ARMC9: variants seen among roughly 807,000 people sequenced by gnomAD.
ARMC9 encodes the protein lisH domain-containing protein ARMC9.
A neutral mutation model predicts 107.0 loss-of-function variants in ARMC9; 94 were observed. That is an observed-to-expected ratio of 0.88 (90% CI 0.74 to 1.04). ARMC9 has a LOEUF of 1.04. ARMC9 is among the 50% of genes least tolerant of loss of function. The pLI is 0.00. For missense variants in ARMC9, 942 were observed against 1,030.1 expected, an observed-to-expected ratio of 0.91 and a Z score of 1.17; for synonymous variants, 380 against 396.9, an observed-to-expected ratio of 0.96 and a Z score of 0.51.
chr2:231,282,005 G>A, intron 16 of ARMC9, 54 bp from the exon 17 acceptor site: 2 of 1,530,556 alleles, frequency 1.3e-6, no homozygotes, highest in South Asian at 2.2e-5. Context: ...TTGATATAGA[G>A]TTGTGCAGTA....
At chr2:231,342,195 C>G (rs1402802260) in intron 20 of ARMC9, among the ~76,000 whole-genome samples, 1 of 152,222 alleles carries the variant, frequency 6.6e-6, no homozygotes, top group Non-Finnish European at 1.5e-5. Flanking sequence ...CTGCCAGGCC[C>G]TGCACACTGA....
rs115818194 is a variant in ARMC9 at position 231,321,771 on chromosome 2, C to T, written c.1774-10022C>T. Among the ~76,000 whole-genome samples, 1,232 of 152,232 alleles carry T rather than the reference C, an allele frequency of 8.1e-3. 15 individuals are homozygous for T. Among genetic ancestry groups the T allele is most frequent in the African/African-American group, 0.028 (1,164 of 41,518 alleles). On this transcript the variant is annotated intron_variant, in intron 19 of 24. Coordinates refer to ENST00000611582, the MANE Select transcript of ARMC9 (RefSeq NM_001352754.2). ...CTCTTCCTCTTCTCCATGTGAAGCG[C>T]GGTGTCTGTGGTACTGCTGGGGCAC...
intron 5 of ARMC9, among the ~76,000 whole-genome samples, chr2:231,221,808 G>T (rs374200057): frequency 5.2e-4 from 68 of 129,956 alleles, no homozygotes; most frequent in African/African-American, 2.0e-3. Context: ...TCCAGCCTGG[G>T]TGACAAAGCA....
intron 19 of ARMC9, among the ~76,000 whole-genome samples, chr2:231,319,840 A>G (rs1342392441): frequency 6.6e-6 from 1 of 152,196 alleles, no homozygotes; most frequent in African/African-American, 2.4e-5. Context: ...AAATTAGGGA[A>G]CATTTTAAAC....
At chr2:231,261,800 G>T (rs1267735723) in intron 11 of ARMC9, among the ~76,000 whole-genome samples, 1 of 151,764 alleles carries the variant, frequency 6.6e-6, no homozygotes, top group East Asian at 1.9e-4. Flanking sequence ...TTGGCTCCCT[G>T]TGTCACCCAT....
intron 20 of ARMC9, among the ~76,000 whole-genome samples, chr2:231,337,285 TA>T (rs1559481297): frequency 1.8e-4 from 11 of 61,142 alleles, no homozygotes; most frequent in African/African-American, 7.6e-4. Context: ...TATATATATA[TA>T]TATATTTTTT....
At position 231,315,434 on chromosome 2, in the gene ARMC9, G is replaced by A. The variant is rs1185232511; in HGVS notation, c.1774-16359G>A. 2.6e-5 allele frequency among the ~76,000 whole-genome samples: 4 copies of A among 152,002 alleles called. No homozygotes were observed. In the East Asian group the frequency reaches 7.7e-4, roughly 29 times the overall value. ...CACACCTGTAGTCCCAGCTACTCAG[G>A]AGGCTGAGGCAGGAGAGCTGCTTGA... On this transcript the variant is annotated intron_variant, in intron 19 of 24. Coordinates refer to ENST00000611582, the MANE Select transcript of ARMC9 (RefSeq NM_001352754.2).
chr2:231,325,888 C>G (rs1464438335), intron 19 of ARMC9, among the ~76,000 whole-genome samples: 1 of 152,180 alleles, frequency 6.6e-6, no homozygotes, highest in Non-Finnish European at 1.5e-5. Context: ...GGTGGCTGCC[C>G]TCACCATAGG....
rs759691541 is a variant in ARMC9, at chr2:231,354,263, T to TAA, written c.1995-1513_1995-1512dup. On this transcript the variant is annotated intron_variant, in intron 21 of 24. Coordinates refer to ENST00000611582, the MANE Select transcript of ARMC9 (RefSeq NM_001352754.2). Reference sequence around the variant, plus strand: ...AGTCAACACAGACCTCATCTCCATTTAAAAAAAAAAAAAAAAAAAAAAAGA... The same window carrying TAA: ...AGTCAACACAGACCTCATCTCCATTTAAAAAAAAAAAAAAAAAAAAAAAAAGA... 7.3e-4 allele frequency among the ~76,000 whole-genome samples: 73 copies of TAA among 100,424 alleles called. 1 individual carries two copies. Among genetic ancestry groups the TAA allele is most frequent in the African/African-American group, 2.3e-3 (49 of 21,394 alleles). 65.9% of individuals were successfully genotyped at this position (100,424 alleles called of 152,430 possible).
At chr2:231,363,846 T>C (rs1477512078) in intron 23 of ARMC9, among the ~76,000 whole-genome samples, 1 of 127,386 alleles carries the variant, frequency 7.9e-6, no homozygotes, top group African/African-American at 3.1e-5. Context: ...ATCGCACCAC[T>C]GCACTCCAGC....
intron 1 of ARMC9, among the ~76,000 whole-genome samples, chr2:231,205,646 C>T (rs1182028281): frequency 6.6e-6 from 1 of 152,152 alleles, no homozygotes; most frequent in African/African-American, 2.4e-5. Flanking sequence ...TTTCCTAGTG[C>T]CGCTGAACAA....
intron 19 of ARMC9, among the ~76,000 whole-genome samples, chr2:231,303,477 G>C (rs1037937078): frequency 6.6e-6 from 1 of 152,184 alleles, no homozygotes; most frequent in African/African-American, 2.4e-5. Flanking sequence ...ATCTAGTACA[G>C]CGTTAGCTGG....
chr2:231,331,792 G>A lies in ARMC9; in HGVS notation c.1774-1G>A, dbSNP rs746021230. On this transcript the variant is annotated splice_acceptor_variant, in intron 19 of 24. Coordinates refer to ENST00000611582, the MANE Select transcript of ARMC9 (RefSeq NM_001352754.2). LOFTEE classifies it high-confidence loss of function. ...CATTCACCCCATGTCTCCTGAAACA[G>A]GAGGACCATGACATCATGGAAGCCG... The A allele has an allele frequency of 1.2e-6, 2 of 1,613,712 alleles. No individual in the cohort carries two copies. Among genetic ancestry groups the A allele is most frequent in the Non-Finnish European group, 8.5e-7 (1 of 1,179,722 alleles).
Position 231,274,561 on chromosome 2 carries a change from G to A in ARMC9, c.1334+1483G>A, listed in dbSNP as rs534086520. Among the ~76,000 whole-genome samples, 6 of 152,312 alleles carry A rather than the reference G, an allele frequency of 3.9e-5. No homozygotes were observed. In the East Asian group the frequency reaches 1.2e-3, roughly 29 times the overall value. ...TTTTCTCGTGGATCGGCATCTAGGA[G>A]AGGAACTGTTGGGACATATGGTAAT... On this transcript the variant is annotated intron_variant, in intron 14 of 24. Coordinates refer to ENST00000611582, the MANE Select transcript of ARMC9 (RefSeq NM_001352754.2).
intron 22 of ARMC9, among the ~76,000 whole-genome samples, chr2:231,357,841 G>A (rs1039527157): frequency 1.3e-5 from 2 of 152,178 alleles, no homozygotes. Context: ...AAAGCACTGG[G>A]ATTACAGGCG....
At chr2:231,247,452 G>A (rs1465211067) in intron 9 of ARMC9, among the ~76,000 whole-genome samples, 2 of 152,180 alleles carry the variant, frequency 1.3e-5, no homozygotes, top group African/African-American at 4.8e-5. Context: ...TCTCCCCAGT[G>A]TGATTTTCTT....
chr2:231,222,978 G>A (rs1376458410), intron 6 of ARMC9, among the ~76,000 whole-genome samples, 158 bp downstream of exon 6: 1 of 152,108 alleles, frequency 6.6e-6, no homozygotes, highest in Admixed American at 6.5e-5. Context: ...TTAATGGCAG[G>A]GCCTATAGAG....
chr2:231,273,046 T>C lies in ARMC9; in HGVS notation c.1302T>C (p.Asn434=). 1 of 1,613,714 alleles carries C rather than the reference T, an allele frequency of 6.2e-7. No individual in the cohort carries two copies. The highest frequency in any genetic ancestry group is 2.2e-5 in the East Asian group (1 of 44,868). ...EEDKDIITRE[N]VLGALQKFSL... ...ACAAGGATATCATCACCAGGGAGAA[T>C]GTTCTTGGGGCCCTGCAGAAGTTCA... The change falls in exon 14 of 25, where the codon AAT becomes AAC. Residue 434 remains asparagine (N), a synonymous_variant. Transcript: ENST00000611582.
At chr2:231,261,782 T>G (rs1379995732) in intron 11 of ARMC9, among the ~76,000 whole-genome samples, 1 of 152,074 alleles carries the variant, frequency 6.6e-6, no homozygotes, top group African/African-American at 2.4e-5. Flanking sequence ...AGAGTTCACA[T>G]GTATAAGTTG....
Sources: allele counts gnomAD v4.1 joint callset (sites outside exome capture counted in the v4.1 genomes callset), GRCh38; gene constraint gnomAD v4.1.1; transcripts MANE v1.5; gene names NCBI Gene and HGNC (gene_info 2026-07-23, HGNC 2026-07-21).